The following HTRA1 variants were observed in gnomAD, a reference collection of about 807,000 sequenced individuals.
The protein encoded by HTRA1 is serine protease HTRA1.
HTRA1 carries 26 observed loss-of-function variants against 49.7 expected under a neutral mutation model. The observed-to-expected ratio is 0.52, with a 90% CI of 0.38 to 0.73. The LOEUF (loss-of-function observed/expected upper bound fraction) is 0.73. HTRA1 is among the 30% of genes least tolerant of loss of function. The pLI, the probability that HTRA1 is intolerant of heterozygous loss-of-function variation, is 0.00. For missense variants in HTRA1, 561 were observed against 667.2 expected (o/e 0.84, Z 1.75); for synonymous variants, 291 against 286.9 (o/e 1.01, Z -0.14).
intron 1 of HTRA1, among the ~76,000 whole-genome samples, chr10:122,466,956 A>C (rs1243744817): frequency 6.6e-6 from 1 of 152,246 alleles, no homozygotes; most frequent in African/African-American, 2.4e-5. Flanking sequence ...TAACAAGCTC[A>C]AAAACCAAGT....
intron 3 of HTRA1, among the ~76,000 whole-genome samples, chr10:122,502,032 A>G (rs867539663): frequency 8.8e-6 from 1 of 114,184 alleles, no homozygotes; most frequent in African/African-American, 3.4e-5. Context: ...TGATACACAC[A>G]AACTATTTTT....
intron 6 of HTRA1, 114 bp from the exon 7 acceptor site, chr10:122,509,982 G>C: frequency 1.2e-6 from 1 of 843,870 alleles, no homozygotes; most frequent in Non-Finnish European, 2.0e-6. Context: ...CAACCTCAGT[G>C]TACCCTTCTG....
chr10:122,478,535 G>A (rs1427571604), intron 1 of HTRA1, among the ~76,000 whole-genome samples: 1 of 151,820 alleles, frequency 6.6e-6, no homozygotes, highest in Non-Finnish European at 1.5e-5. Flanking sequence ...TGGGACTACA[G>A]GCGCCTGCCA....
At position 122,510,102 on chromosome 10, in the gene HTRA1, C is replaced by T. The variant is rs1382113501; in HGVS notation, c.1127C>T (p.Ala376Val). ...ESHDRQAKGK[A>V]ITKKKYIGIR... is the part of the protein sequence containing the mutation. ...CCCTTTGTTGTCTCACCAGGAAAAG[C>T]CATCACCAAGAAGAAGTATATTGGT... is the stretch of plus-strand genomic sequence containing the variant. The change falls in exon 7 of 9, where the codon GCC becomes GTC. Residue 376 changes from alanine to valine, a missense_variant. Around this residue, in one of 3 missense-constraint regions of HTRA1, gnomAD observed 179 missense variants for 173.4 expected, o/e 1.03. Transcript: ENST00000368984. 1.9e-6 allele frequency: 3 copies of T among 1,613,878 alleles called. No individual in the cohort carries two copies. The highest frequency in any genetic ancestry group is 2.5e-6 in the Non-Finnish European group (3 of 1,179,748).
chr10:122,513,893 C>CT (rs11295304), intron 8 of HTRA1, among the ~76,000 whole-genome samples: 1,706 of 130,010 alleles, frequency 0.013, 15 homozygotes, highest in Middle Eastern at 0.031. Flanking sequence ...AAACCTGGCT[C>CT]TTTTTTTTTT....
chr10:122,496,225 G>GTTTTGTTTTTTTTT (rs1287521208), intron 3 of HTRA1, among the ~76,000 whole-genome samples: 7 of 80,408 alleles, frequency 8.7e-5, no homozygotes, highest in South Asian at 4.4e-4. Context: ...GAGATTGTGG[G>GTTTTGTTTTTTTTT]TTCTTTTTTT....
chr10:122,473,558 A>G (rs1356374161), intron 1 of HTRA1, among the ~76,000 whole-genome samples: 2 of 152,192 alleles, frequency 1.3e-5, no homozygotes, highest in Non-Finnish European at 2.9e-5. Context: ...AAAGAACACG[A>G]TTATTTTTCT....
chr10:122,477,288 CA>C (rs2097489072), intron 1 of HTRA1, among the ~76,000 whole-genome samples: 1 of 152,116 alleles, frequency 6.6e-6, no homozygotes, highest in Non-Finnish European at 1.5e-5. Flanking sequence ...TTAATTTAGC[CA>C]TGCTCGGGGC....
chr10:122,496,105 C>T (rs903742830), intron 3 of HTRA1, among the ~76,000 whole-genome samples: 1 of 151,932 alleles, frequency 6.6e-6, no homozygotes, highest in Non-Finnish European at 1.5e-5. Context: ...CCTCGAGGAG[C>T]TGAAAGTGGC....
intron 1 of HTRA1, among the ~76,000 whole-genome samples, chr10:122,468,781 G>C (rs931479521): frequency 1.3e-5 from 2 of 152,170 alleles, no homozygotes; most frequent in Non-Finnish European, 2.9e-5. Context: ...CCTGGAGCTT[G>C]TGACACCCAG....
chr10:122,508,535 G>A (rs1018974303), intron 5 of HTRA1, 121 bp from the exon 6 acceptor site: 13 of 784,550 alleles, frequency 1.7e-5, no homozygotes, highest in Middle Eastern at 2.9e-4. Context: ...TCCCCTCCTT[G>A]CATCTCCCCA....
At position 122,487,856 on chromosome 10, in the gene HTRA1, C is replaced by T. The variant is rs1181080278; in HGVS notation, c.473-1046C>T. Among the ~76,000 whole-genome samples, 1 of 152,164 alleles carries T rather than the reference C, an allele frequency of 6.6e-6. No homozygotes were observed. Among genetic ancestry groups the T allele is most frequent in the Non-Finnish European group, 1.5e-5 (1 of 68,030 alleles). ...AAACATAGAAAAGGTATAGTAAAAA[C>T]AATGGTGTTATGGTCCGCGGCTGGC... On this transcript the variant is annotated intron_variant, in intron 1 of 8. Transcript: ENST00000368984. This position sits in a 1 kb window ranked among gnomAD's most constrained non-coding sequence, Gnocchi z 4.8.
intron 1 of HTRA1, among the ~76,000 whole-genome samples, chr10:122,480,441 A>C (rs1307510474): frequency 6.6e-6 from 1 of 152,166 alleles, no homozygotes; most frequent in Non-Finnish European, 1.5e-5. Flanking sequence ...GGGGGTTGGC[A>C]CACCTGGGTT....
chr10:122,463,069 G>A (rs557375726), intron 1 of HTRA1, among the ~76,000 whole-genome samples: 29 of 152,396 alleles, frequency 1.9e-4, no homozygotes, highest in African/African-American at 6.7e-4. Flanking sequence ...ACCAGACAGC[G>A]GGGCTTGGCA....
In HTRA1 at chr10:122,477,114, C is replaced by A. The variant is rs12254914; in HGVS notation, c.473-11788C>A. ...TCCCGAGTAGCTGGGACCACAGGTGCCTGCCACCATGCCTGGCTAATTTTT... is the reference window on the plus strand; with the variant it reads ...TCCCGAGTAGCTGGGACCACAGGTGACTGCCACCATGCCTGGCTAATTTTT... On this transcript the variant is annotated intron_variant, in intron 1 of 8. Transcript: ENST00000368984. 7.0e-3 allele frequency among the ~76,000 whole-genome samples: 1,070 copies of A among 152,022 alleles called. 5 individuals carry two copies. The highest frequency in any genetic ancestry group is 0.01 in the Non-Finnish European group (685 of 67,976).
rs548423664 is a variant in HTRA1, at chr10:122,511,914, G to T, written c.1179-56G>T. 1.0e-5 allele frequency: 13 copies of T among 1,306,184 alleles called. No individual in the cohort carries two copies. In the South Asian group the frequency reaches 1.5e-4, roughly 15 times the overall value. 80.9% of individuals were successfully genotyped at this position (1,306,184 alleles called of 1,614,324 possible). ...GGAACTGGTGAGAGCTGAGTTTTGC[G>T]TGAGGAAGGCCTGGTGTTTCTTCAC... On this transcript the variant is annotated intron_variant, in intron 7 of 8. Transcript: ENST00000368984.
rs759484605 is a variant in HTRA1, at chr10:122,514,200, C to G, written c.1284C>G (p.Leu428=). The G allele has an allele frequency of 5.6e-6, 9 of 1,613,684 alleles. No individual in the cohort carries two copies. Among genetic ancestry groups the G allele is most frequent in the Non-Finnish European group, 7.6e-6 (9 of 1,179,942 alleles). The change falls in exon 9 of 9, where the codon CTC becomes CTG. Residue 428 remains leucine (L), a synonymous_variant. Coordinates refer to ENST00000368984, the MANE Select transcript of HTRA1 (RefSeq NM_002775.5). ...TCCCTTTGTGTTGCAGTGGTGGTCT[C>G]AAGGAAAACGACGTCATAATCAGCA... is the stretch of plus-strand genomic sequence containing the variant. ...IPDTPAEAGG[L]KENDVIISIN...
At chr10:122,501,927 T>C (rs1336916802) in intron 3 of HTRA1, among the ~76,000 whole-genome samples, 1 of 146,444 alleles carries the variant, frequency 6.8e-6, no homozygotes, top group Admixed American at 6.9e-5. Flanking sequence ...ACCCAGCCCT[T>C]GGACAGATAT....
chr10:122,501,614 C>T (rs2097500898), intron 3 of HTRA1, among the ~76,000 whole-genome samples: 1 of 152,190 alleles, frequency 6.6e-6, no homozygotes, highest in Non-Finnish European at 1.5e-5. Flanking sequence ...GGCAAATTCG[C>T]AGGGTCCAAT....
Sources: allele counts gnomAD v4.1 joint callset (sites outside exome capture counted in the v4.1 genomes callset), GRCh38; gene constraint gnomAD v4.1.1; regional missense constraint gnomAD v4.1.1; non-coding constraint Gnocchi (gnomAD v3.1); transcripts MANE v1.5; gene names NCBI Gene and HGNC (gene_info 2026-07-23, HGNC 2026-07-21).